The following SLC44A1 variants were observed in gnomAD, a reference collection of about 807,000 sequenced individuals.
SLC44A1 encodes choline transporter-like protein 1.
Under a neutral mutation model 79.3 loss-of-function variants are expected in SLC44A1, and 26 were observed. That is an observed-to-expected ratio of 0.33 (90% CI 0.24 to 0.46). The LOEUF (loss-of-function observed/expected upper bound fraction) is 0.46. Among genes scored for constraint, SLC44A1 ranks in the 20% least tolerant of loss-of-function variants. SLC44A1 has a pLI of 1.00. For synonymous variants in SLC44A1, 263 were observed against 286.2 expected (o/e 0.92, Z 0.82); for missense variants, 688 against 798.1 (o/e 0.86, Z 1.66).
chr9:105,328,733 G>A lies in SLC44A1; in HGVS notation c.270-6830G>A, dbSNP rs75187029. Among the ~76,000 whole-genome samples, 189 of 152,316 alleles carry A rather than the reference G, an allele frequency of 1.2e-3. 1 individual carries two copies. Among genetic ancestry groups the A allele is most frequent in the African/African-American group, 4.3e-3 (179 of 41,566 alleles). ...TGCTGGCGGAGGAGGCTGCCATGCT[G>A]TTTAGAATTCAATTGTCTCTTTGGG... On this transcript the variant is annotated intron_variant, in intron 3 of 15. Coordinates refer to ENST00000374720, the MANE Select transcript of SLC44A1 (RefSeq NM_080546.5).
chr9:105,351,570 A>AG (rs1827416460), intron 5 of SLC44A1, among the ~76,000 whole-genome samples: 1 of 119,636 alleles, frequency 8.4e-6, no homozygotes, highest in African/African-American at 4.0e-5. Flanking sequence ...GAAAGAGAGA[A>AG]AGAGAGAAAG....
rs1423191261 is a variant in SLC44A1 at position 105,393,093 on chromosome 9, CT to C, written c.*4038del. The C allele has an allele frequency of 2.0e-6, 2 of 985,182 alleles. No individual in the cohort carries two copies. The highest frequency in any genetic ancestry group is 6.1e-5 in the Admixed American group (1 of 16,262). 61.0% of individuals were successfully genotyped at this position (985,182 alleles called of 1,614,324 possible). The stretch of plus-strand genomic sequence containing the variant: ...GTGCACTATAATGGCTTGCCTAGAA[CT>C]GGTAAGAAGTGGTCTGTGAATGTAT... On this transcript the variant is annotated 3_prime_UTR_variant, in exon 16 of 16. Coordinates refer to ENST00000374720, the MANE Select transcript of SLC44A1 (RefSeq NM_080546.5).
chr9:105,349,317 A>G (rs890227823), intron 5 of SLC44A1, among the ~76,000 whole-genome samples: 64 of 152,170 alleles, frequency 4.2e-4, no homozygotes, highest in Admixed American at 3.8e-3. Context: ...ATCTCAATAT[A>G]TTATAGGAAG....
chr9:105,300,301 G>A (rs1044403528), intron 2 of SLC44A1, among the ~76,000 whole-genome samples: 3 of 152,052 alleles, frequency 2.0e-5, no homozygotes, highest in Admixed American at 6.6e-5. Flanking sequence ...ATACATTATT[G>A]CTCTCTCTTT....
At chr9:105,436,659 C>T (rs1483227413) in intron 15 of SLC44A1, among the ~76,000 whole-genome samples, 1 of 152,096 alleles carries the variant, frequency 6.6e-6, no homozygotes, top group Non-Finnish European at 1.5e-5. Context: ...GAAGCCATTG[C>T]TAATTTCTTG....
In SLC44A1 at chr9:105,393,839, T is replaced by C; in HGVS notation, c.*4783T>C. 16 of 985,012 alleles carry C rather than the reference T, an allele frequency of 1.6e-5. No individual in the cohort carries two copies. Among genetic ancestry groups the C allele is most frequent in the Non-Finnish European group, 1.9e-5 (16 of 829,532 alleles). The allele number at this position is 985,012 out of a possible 1,614,324, so 61.0% of individuals were successfully genotyped here. On this transcript the variant is annotated 3_prime_UTR_variant, in exon 16 of 16. Transcript: ENST00000374720. The stretch of plus-strand genomic sequence containing the variant: ...ATGCTCAGTTTTACAACTTAAATGA[T>C]TTTCTCCAGGACACGGAGCTCAGAA...
At chr9:105,420,168 G>T (rs530623036) in intron 15 of SLC44A1, among the ~76,000 whole-genome samples, 1 of 152,044 alleles carries the variant, frequency 6.6e-6, no homozygotes, top group Non-Finnish European at 1.5e-5. Context: ...CAGGATCCCC[G>T]ACCCTGACCC....
chr9:105,428,447 T>G (rs1247737695), intron 15 of SLC44A1, among the ~76,000 whole-genome samples: 2 of 152,216 alleles, frequency 1.3e-5, no homozygotes, highest in African/African-American at 4.8e-5. Flanking sequence ...CTAAGAAGTA[T>G]AGTTGTTCAG....
In SLC44A1 at chr9:105,383,143, A is replaced by T. The variant is rs1362174821; in HGVS notation, c.1653A>T (p.Thr551=). The change falls in exon 14 of 16, where the codon ACA becomes ACT. Residue 551 remains threonine (T), a synonymous_variant. Coordinates refer to ENST00000374720, the MANE Select transcript of SLC44A1 (RefSeq NM_080546.5). ...TTCAGGTGCTGATAGTCTGCAGCACAGGTTTAGCTGGGATTATGCTGCTCA... is the reference window on the plus strand; with the variant it reads ...TTCAGGTGCTGATAGTCTGCAGCACTGGTTTAGCTGGGATTATGCTGCTCA... ...FLGKVLIVCS[T]GLAGIMLLNY... 2 of 1,613,678 alleles carry T rather than the reference A, an allele frequency of 1.2e-6. No individual in the cohort carries two copies. The highest frequency in any genetic ancestry group is 2.7e-5 in the African/African-American group (2 of 75,050).
chr9:105,251,432 T>C (rs921131503), intron 1 of SLC44A1, among the ~76,000 whole-genome samples: 1 of 152,222 alleles, frequency 6.6e-6, no homozygotes, highest in African/African-American at 2.4e-5. Flanking sequence ...TAACTGTTCA[T>C]GCTCCCTTCT....
rs577435496 is a variant in SLC44A1 at position 105,319,107 on chromosome 9, T to C, written c.269+9241T>C. Among the ~76,000 whole-genome samples the C allele has an allele frequency of 3.2e-4, 49 of 152,274 alleles. 1 individual carries two copies. In the South Asian group the frequency reaches 0.01, roughly 32 times the overall value. On this transcript the variant is annotated intron_variant, in intron 3 of 15. Transcript: ENST00000374720. ...ATCAAGTGGGTTTGCCACCCACTTG[T>C]GTTTACCTGGGTGTCAGAGTTGAGG... is the stretch of plus-strand genomic sequence containing the variant.
chr9:105,381,815 T>C (rs1034695929), intron 13 of SLC44A1, among the ~76,000 whole-genome samples: 8 of 152,190 alleles, frequency 5.3e-5, no homozygotes, highest in Non-Finnish European at 1.0e-4. Flanking sequence ...TATCATCTAA[T>C]GCATTTTAAC....
intron 13 of SLC44A1, among the ~76,000 whole-genome samples, chr9:105,381,234 A>G (rs1588853241): frequency 6.6e-6 from 1 of 152,208 alleles, no homozygotes; most frequent in Middle Eastern, 3.4e-3. Context: ...TGAAACCAGG[A>G]GAGTGGAAGA....
chr9:105,348,046 A>G (rs192411241), intron 4 of SLC44A1, among the ~76,000 whole-genome samples: 1 of 152,218 alleles, frequency 6.6e-6, no homozygotes, highest in East Asian at 1.9e-4. Flanking sequence ...CCTGCCTTAC[A>G]GAATTATAGT....
chr9:105,358,572 CT>C, intron 7 of SLC44A1, 139 bp downstream of exon 7: 2 of 626,498 alleles, frequency 3.2e-6, no homozygotes, highest in South Asian at 4.1e-5. Flanking sequence ...CTTAAAATTT[CT>C]TATAATTATA....
intron 1 of SLC44A1, among the ~76,000 whole-genome samples, chr9:105,264,237 C>CA (rs1829908654): frequency 6.6e-6 from 1 of 152,146 alleles, no homozygotes; most frequent in African/African-American, 2.4e-5. Context: ...GATCATAGCT[C>CA]ACTGCAGCCT....
chr9:105,330,582 T>C (rs1170834200), intron 3 of SLC44A1, among the ~76,000 whole-genome samples: 4 of 152,218 alleles, frequency 2.6e-5, no homozygotes, highest in Admixed American at 1.3e-4. Context: ...CTGACTCTTA[T>C]CCTTTTTCCT....
chr9:105,261,498 GCAGCAA>G (rs1829837892), intron 1 of SLC44A1, among the ~76,000 whole-genome samples: 1 of 152,178 alleles, frequency 6.6e-6, no homozygotes, highest in African/African-American at 2.4e-5. Context: ...TCTGCCCATT[GCAGCAA>G]TGAGGAAACT....
At chr9:105,349,248 A>G (rs935605570) in intron 5 of SLC44A1, among the ~76,000 whole-genome samples, 2 of 152,282 alleles carry the variant, frequency 1.3e-5, no homozygotes, top group African/African-American at 4.8e-5. Flanking sequence ...TATATTGCCA[A>G]CTGTGTGTAA....
Sources: gnomAD v4.1 joint callset for allele counts (sites outside exome capture counted in the v4.1 genomes callset) on GRCh38, gnomAD v4.1.1 for gene constraint, MANE v1.5 for transcripts, NCBI Gene and HGNC (gene_info 2026-07-23, HGNC 2026-07-21) for gene names.